SLIT3: variants seen among roughly 807,000 people sequenced by gnomAD.
The protein encoded by SLIT3 is slit homolog 3 protein.
SLIT3 carries 68 observed loss-of-function variants against 184.0 expected under a neutral mutation model. That is an observed-to-expected ratio of 0.37 (90% CI 0.30 to 0.45). SLIT3 has a LOEUF of 0.45. SLIT3 is among the 20% of genes least tolerant of loss of function. The pLI, the probability that SLIT3 is intolerant of heterozygous loss-of-function variation, is 1.00. For missense variants in SLIT3, 1,707 were observed against 2,026.0 expected, an observed-to-expected ratio of 0.84 and a Z score of 3.02; for synonymous variants, 831 against 828.6, an observed-to-expected ratio of 1.00 and a Z score of -0.05.
chr5:168,854,329 T>C (rs1183834180), intron 5 of SLIT3, among the ~76,000 whole-genome samples: 1 of 123,502 alleles, frequency 8.1e-6, no homozygotes, highest in Non-Finnish European at 1.6e-5. Flanking sequence ...AAAGTATTCT[T>C]ACCCAGAAGA....
At position 168,755,389 on chromosome 5, in the gene SLIT3, A is replaced by ATTTCTTTCTTTCTTTCTTTCTTTC. The variant is rs139729506; in HGVS notation, c.1686-1406_1686-1383dup. ...GTCCTATCAAACCCTCAGTGCCGCC[A>ATTTCTTTCTTTCTTTCTTTCTTTC]TTTCTTTCTTTCTTTCTTTCTTTCT... On this transcript the variant is annotated intron_variant, in intron 16 of 35. Coordinates refer to ENST00000519560, the MANE Select transcript of SLIT3 (RefSeq NM_003062.4). Among the ~76,000 whole-genome samples, 101 of 133,770 alleles carry ATTTCTTTCTTTCTTTCTTTCTTTC rather than the reference A, an allele frequency of 7.6e-4. 4 individuals carry two copies. Among genetic ancestry groups the ATTTCTTTCTTTCTTTCTTTCTTTC allele is most frequent in the Admixed American group, 1.8e-3 (23 of 12,638 alleles). The allele number at this position is 133,770 out of a possible 152,430, so 87.8% of individuals were successfully genotyped here.
chr5:168,954,650 G>A (rs1762761616), intron 4 of SLIT3, among the ~76,000 whole-genome samples: 1 of 152,244 alleles, frequency 6.6e-6, no homozygotes, highest in Non-Finnish European at 1.5e-5. Context: ...GTCATTTGAA[G>A]CCAAGGTCTT....
chr5:169,046,404 T>A (rs1038176636), intron 4 of SLIT3, among the ~76,000 whole-genome samples: 12 of 152,190 alleles, frequency 7.9e-5, no homozygotes, highest in African/African-American at 2.7e-4. Flanking sequence ...AACATATAGA[T>A]TCCCTTTGAC....
At chr5:168,976,848 T>C (rs1754781125) in intron 4 of SLIT3, among the ~76,000 whole-genome samples, 1 of 152,268 alleles carries the variant, frequency 6.6e-6, no homozygotes, top group African/African-American at 2.4e-5. Context: ...TTATTCCTTC[T>C]GCATTCATGC....
Position 168,752,950 on chromosome 5 carries a change from C to G in SLIT3, c.1973+5G>C. ...TCCGTGGGCAGTGGACCCAGGAGAA[C>G]TTACATGGTGGACAGGGAGACAAGC... On this transcript the variant is annotated splice_donor_5th_base_variant and intron_variant, in intron 18 of 35. Transcript: ENST00000519560. 6.2e-7 allele frequency: 1 copy of G among 1,613,970 alleles called. No homozygotes were observed. Among genetic ancestry groups the G allele is most frequent in the Non-Finnish European group, 8.5e-7 (1 of 1,179,938 alleles).
rs756813959 is a variant in SLIT3 at position 168,685,837 on chromosome 5, G to T, written c.3405C>A (p.Ile1135=). The stretch of plus-strand genomic sequence containing the variant: ...GGCAGGTGGGCTCCTGCTGCACCAC[G>T]ATGCACTGGGCCCCGTTCTGGCACT... ...QYECQNGAQC[I]VVQQEPTCRC... The change falls in exon 31 of 36, where the codon ATC becomes ATA. Residue 1135 remains isoleucine (I), a synonymous_variant. Coordinates refer to ENST00000519560, the MANE Select transcript of SLIT3 (RefSeq NM_003062.4). 8.7e-6 allele frequency: 14 copies of T among 1,613,804 alleles called. No individual in the cohort carries two copies. The Admixed American group carries it at 1.5e-4, about 17-fold the overall frequency.
intron 1 of SLIT3, among the ~76,000 whole-genome samples, chr5:169,260,726 C>T (rs921294057): frequency 6.6e-6 from 1 of 152,194 alleles, no homozygotes; most frequent in African/African-American, 2.4e-5. Context: ...CTTACTGATA[C>T]ACCATTCATT....
chr5:168,934,288 T>C (rs930251186), intron 4 of SLIT3, among the ~76,000 whole-genome samples: 1 of 152,236 alleles, frequency 6.6e-6, no homozygotes, highest in African/African-American at 2.4e-5. Context: ...AACAGCCTGA[T>C]GATTTTGAGC....
intron 4 of SLIT3, among the ~76,000 whole-genome samples, chr5:169,167,704 C>G (rs775337886): frequency 1.3e-5 from 2 of 152,174 alleles, no homozygotes; most frequent in Non-Finnish European, 2.9e-5. Flanking sequence ...TGGTAAGGAG[C>G]AGAGGGTGGC....
intron 4 of SLIT3, among the ~76,000 whole-genome samples, chr5:168,963,503 C>T (rs756070230): frequency 5.9e-5 from 9 of 152,180 alleles, no homozygotes; most frequent in Admixed American, 1.3e-4. Context: ...GTGTCTATGG[C>T]TGCTTTCACC....
At chr5:169,060,142 C>T (rs1294997684) in intron 4 of SLIT3, among the ~76,000 whole-genome samples, 2 of 152,182 alleles carry the variant, frequency 1.3e-5, no homozygotes, top group Non-Finnish European at 2.9e-5. Context: ...GTAATCCCAG[C>T]CCTTTGGGAG....
At chr5:169,163,427 T>A (rs940806359) in intron 4 of SLIT3, among the ~76,000 whole-genome samples, 2 of 152,154 alleles carry the variant, frequency 1.3e-5, no homozygotes, top group Admixed American at 1.3e-4. Flanking sequence ...AACTGGGAAA[T>A]CCAAGTTGCA....
At chr5:168,842,399 T>C (rs1758283888) in intron 6 of SLIT3, among the ~76,000 whole-genome samples, 1 of 152,030 alleles carries the variant, frequency 6.6e-6, no homozygotes, top group Admixed American at 6.6e-5. Flanking sequence ...ACTTTTTTTT[T>C]TTTCTTTCAG....
chr5:168,805,533 T>C (rs1409807917), intron 9 of SLIT3, among the ~76,000 whole-genome samples: 1 of 152,212 alleles, frequency 6.6e-6, no homozygotes, highest in Non-Finnish European at 1.5e-5. Context: ...AGAATAATCT[T>C]GAGGTCAGTG....
chr5:169,163,880 C>T (rs1227490083), intron 4 of SLIT3, among the ~76,000 whole-genome samples: 1 of 152,164 alleles, frequency 6.6e-6, no homozygotes, highest in Admixed American at 6.5e-5. Context: ...AGGCAAATTC[C>T]TCAAACTTTT....
At chr5:169,144,030 A>T (rs1161740405) in intron 4 of SLIT3, among the ~76,000 whole-genome samples, 1 of 152,202 alleles carries the variant, frequency 6.6e-6, no homozygotes, top group African/African-American at 2.4e-5. Flanking sequence ...CTCCACTGTA[A>T]GAGAAAAGCA....
chr5:168,668,050 A>G (rs1761111447), intron 35 of SLIT3, among the ~76,000 whole-genome samples: 1 of 152,180 alleles, frequency 6.6e-6, no homozygotes, highest in South Asian at 2.1e-4. Flanking sequence ...GTAGGTATAA[A>G]ATGTGGAAAA....
chr5:169,099,766 G>T (rs1444245388), intron 4 of SLIT3, among the ~76,000 whole-genome samples: 3 of 151,882 alleles, frequency 2.0e-5, no homozygotes, highest in Non-Finnish European at 4.4e-5. Context: ...GTAAGGGGAG[G>T]ATGGTAACAC....
intron 16 of SLIT3, among the ~76,000 whole-genome samples, chr5:168,759,763 A>T (rs115812929): frequency 6.6e-6 from 1 of 152,194 alleles, no homozygotes; most frequent in African/African-American, 2.4e-5. Context: ...GGACTTACAC[A>T]AATGTCAGTG....
Sources: allele counts gnomAD v4.1 joint callset (sites outside exome capture counted in the v4.1 genomes callset), GRCh38; gene constraint gnomAD v4.1.1; transcripts MANE v1.5; gene names NCBI Gene and HGNC (gene_info 2026-07-23, HGNC 2026-07-21).